SERAC1: variants seen among roughly 807,000 people sequenced by gnomAD.
SERAC1 encodes protein SERAC1.
A neutral mutation model predicts 85.7 loss-of-function variants in SERAC1; 36 were observed. The observed-to-expected ratio is 0.42, with a 90% confidence interval of 0.32 to 0.55. The LOEUF is 0.55. Ranked by LOEUF, SERAC1 falls within the 20% of genes least tolerant of loss-of-function variation. SERAC1 has a pLI of 0.11. For synonymous variants in SERAC1, 242 were observed against 265.3 expected, an observed-to-expected ratio of 0.91 and a Z score of 0.85; for missense variants, 629 against 796.2, an observed-to-expected ratio of 0.79 and a Z score of 2.53.
chr6:158,130,545 CAA>C, intron 8 of SERAC1, 59 bp from the exon 9 acceptor site: 2 of 1,018,620 alleles, frequency 2.0e-6, no homozygotes, highest in Non-Finnish European at 2.8e-6. Flanking sequence ...TTTTGTTTGA[CAA>C]AAAAAAAGAA....
chr6:158,130,531 A>G, intron 8 of SERAC1, 45 bp from the exon 9 acceptor site: 2 of 1,221,124 alleles, frequency 1.6e-6, no homozygotes, highest in Non-Finnish European at 2.3e-6. Context: ...AAAGTGACTA[A>G]TATTTTTGTT....
At chr6:158,150,908 C>T (rs1294352368) in intron 3 of SERAC1, 6 of 240,516 alleles carry the variant, frequency 2.5e-5, no homozygotes, top group African/African-American at 1.3e-4. Context: ...ACTGTGCTGC[C>T]CGTCCTATAA....
At chr6:158,133,959 T>C (rs968423528) in intron 8 of SERAC1, among the ~76,000 whole-genome samples, 2 of 152,212 alleles carry the variant, frequency 1.3e-5, no homozygotes, top group Non-Finnish European at 2.9e-5. Context: ...GTACCTGTGA[T>C]TCTAGCAGTA....
chr6:158,132,676 T>C (rs777205429), intron 8 of SERAC1, among the ~76,000 whole-genome samples: 4 of 152,164 alleles, frequency 2.6e-5, no homozygotes, highest in Admixed American at 6.5e-5. Flanking sequence ...TGATGTAGAG[T>C]GCAGTTCCCA....
At chr6:158,146,688 G>A in intron 6 of SERAC1, 94 bp downstream of exon 6, 2 of 1,502,822 alleles carry the variant, frequency 1.3e-6, no homozygotes, top group Non-Finnish European at 1.8e-6. Flanking sequence ...GGGATTACAG[G>A]CGTGAGCCAC....
intron 1 of SERAC1, among the ~76,000 whole-genome samples, chr6:158,165,269 C>T (rs1306827338): frequency 6.6e-6 from 1 of 152,122 alleles, no homozygotes; most frequent in African/African-American, 2.4e-5. Context: ...CATTCTCCTG[C>T]CTCAGCCTCC....
chr6:158,144,221 T>C (rs1015897957), intron 7 of SERAC1, 78 bp downstream of exon 7: 3 of 1,122,950 alleles, frequency 2.7e-6, no homozygotes, highest in Non-Finnish European at 3.7e-6. Flanking sequence ...TTTTTTAAAG[T>C]GTTTTGTACC....
chr6:158,165,953 G>A (rs1179020530), intron 1 of SERAC1, among the ~76,000 whole-genome samples: 1 of 152,138 alleles, frequency 6.6e-6, no homozygotes, highest in African/African-American at 2.4e-5. Context: ...AAAAAGTTCT[G>A]GAGATAGATA....
intron 10 of SERAC1, among the ~76,000 whole-genome samples, chr6:158,122,656 T>C (rs1041736830): frequency 6.6e-6 from 1 of 152,010 alleles, no homozygotes; most frequent in African/African-American, 2.4e-5. Flanking sequence ...GGTGGGCGCC[T>C]GTAATCCCAG....
At chr6:158,130,232 G>A (rs1260703380) in intron 9 of SERAC1, 141 bp downstream of exon 9, 2 of 466,902 alleles carry the variant, frequency 4.3e-6, no homozygotes, top group Non-Finnish European at 7.6e-6. Flanking sequence ...AATTAAAATT[G>A]GAGGAAAGCA....
At chr6:158,155,752 C>T (rs115117290) in intron 2 of SERAC1, among the ~76,000 whole-genome samples, 13 of 152,138 alleles carry the variant, frequency 8.5e-5, no homozygotes, top group Non-Finnish European at 1.3e-4. Flanking sequence ...TAGGACTATA[C>T]TGAAGGATTA....
chr6:158,131,141 C>T (rs1009102636), intron 8 of SERAC1, among the ~76,000 whole-genome samples: 2 of 151,584 alleles, frequency 1.3e-5, no homozygotes, highest in African/African-American at 4.8e-5. Context: ...ACTCTTATCA[C>T]AGATCAAGGG....
rs1310026819 is a variant in SERAC1 at position 158,116,295 on chromosome 6, A to AAAAC, written c.1404-17_1404-14dup. The AAAAC allele has an allele frequency of 3.1e-6, 5 of 1,607,166 alleles. No homozygotes were observed. The East Asian group carries it at 8.9e-5, about 29-fold the overall frequency. ...TGCAATGGACTTTCTGAACAAAACAAAAACAGCAGGCATGACACAAGGCTA... is the reference window on the plus strand; with the variant it reads ...TGCAATGGACTTTCTGAACAAAACAAAAACAAACAGCAGGCATGACACAAGGCTA... On this transcript the variant is annotated splice_polypyrimidine_tract_variant and intron_variant, in intron 13 of 16. Transcript: ENST00000647468.
rs961982543 is a variant in SERAC1, at chr6:158,119,486, T to C, written c.1167-316A>G. 6.6e-6 allele frequency among the ~76,000 whole-genome samples: 1 copy of C among 152,246 alleles called. No individual in the cohort carries two copies. Among genetic ancestry groups the C allele is most frequent in the African/African-American group, 2.4e-5 (1 of 41,470 alleles). ...AGATTACCCTCTAAAGACTTCCATT[T>C]GAGAATATTCTACAAATCAATAAAA... On this transcript the variant is annotated intron_variant, in intron 11 of 16. Transcript: ENST00000647468. The surrounding 1 kb of genome is among the most constrained non-coding windows in gnomAD (Gnocchi z 4.5).
intron 1 of SERAC1, among the ~76,000 whole-genome samples, chr6:158,160,501 C>T (rs1469615955): frequency 6.6e-6 from 1 of 152,192 alleles, no homozygotes; most frequent in Non-Finnish European, 1.5e-5. Context: ...TCCCTATTAA[C>T]ATTTATTGCT....
chr6:158,166,025 T>C (rs1785591358), intron 1 of SERAC1: 1 of 152,232 alleles, frequency 6.6e-6, no homozygotes, highest in South Asian at 2.1e-4. Flanking sequence ...GTTAACATGA[T>C]AAATCTTATG....
chr6:158,125,607 T>C (rs1784521460), intron 10 of SERAC1, among the ~76,000 whole-genome samples: 1 of 152,126 alleles, frequency 6.6e-6, no homozygotes, highest in East Asian at 1.9e-4. Flanking sequence ...CCCAAACATA[T>C]ACTCCCAGCT....
chr6:158,149,020 T>TAG, intron 4 of SERAC1, 66 bp from the exon 5 acceptor site: 2 of 1,225,322 alleles, frequency 1.6e-6, no homozygotes, highest in Non-Finnish European at 2.3e-6. Context: ...GATGGAATCT[T>TAG]ACTCTGTCGC....
intron 12 of SERAC1, among the ~76,000 whole-genome samples, chr6:158,118,691 ATTAT>A (rs1784350914): frequency 6.6e-6 from 1 of 151,962 alleles, no homozygotes; most frequent in Non-Finnish European, 1.5e-5. Context: ...TATTTTTGTA[ATTAT>A]TAAGGTCATA....
Sources: gnomAD v4.1 joint callset for allele counts (sites outside exome capture counted in the v4.1 genomes callset) on GRCh38, gnomAD v4.1.1 for gene constraint, Gnocchi (gnomAD v3.1) non-coding constraint, MANE v1.5 for transcripts, NCBI Gene and HGNC (gene_info 2026-07-23, HGNC 2026-07-21) for gene names.